THSD7B: variants seen among roughly 807,000 people sequenced by gnomAD.
THSD7B encodes thrombospondin type 1 domain containing 7B.
A neutral mutation model predicts 213.6 loss-of-function variants in THSD7B; 138 were observed. That is an observed-to-expected ratio of 0.65 (90% CI 0.56 to 0.74). The LOEUF is 0.74. THSD7B is among the 30% of genes least tolerant of loss of function. The probability of loss-of-function intolerance (pLI) is 0.00; values close to 1 mark genes in which losing one functional copy is unlikely to be tolerated. For missense variants in THSD7B, 1,931 were observed against 1,991.5 expected, an observed-to-expected ratio of 0.97 and a Z score of 0.58; for synonymous variants, 742 against 687.0, an observed-to-expected ratio of 1.08 and a Z score of -1.25.
At chr2:137,221,789 T>C (rs2105045171) in intron 7 of THSD7B, among the ~76,000 whole-genome samples, 1 of 152,314 alleles carries the variant, frequency 6.6e-6, no homozygotes, top group South Asian at 2.1e-4. Flanking sequence ...TAAATGATTA[T>C]TCTTTAGTGA....
chr2:137,510,133 G>A (rs958425526), intron 15 of THSD7B, among the ~76,000 whole-genome samples: 5 of 152,048 alleles, frequency 3.3e-5, no homozygotes, highest in Non-Finnish European at 7.4e-5. Flanking sequence ...TAATTGGTAT[G>A]ATTGGATTTA....
intron 5 of THSD7B, among the ~76,000 whole-genome samples, chr2:137,130,656 A>G (rs1420570491): frequency 3.3e-5 from 5 of 150,348 alleles, no homozygotes; most frequent in Non-Finnish European, 7.4e-5. Context: ...GAGATAGTTT[A>G]CTGAGAATGA....
intron 12 of THSD7B, among the ~76,000 whole-genome samples, chr2:137,349,987 GT>G (rs552186237): frequency 6.6e-6 from 1 of 151,896 alleles, no homozygotes; most frequent in African/African-American, 2.4e-5. Context: ...GCCAGAGACA[GT>G]GATATTGCTA....
chr2:137,422,934 C>G (rs1686959348), intron 14 of THSD7B, among the ~76,000 whole-genome samples: 1 of 152,024 alleles, frequency 6.6e-6, no homozygotes. Context: ...GATAGGAAAA[C>G]CTTTCTAGAG....
chr2:137,015,139 C>T lies in THSD7B; in HGVS notation c.140-41281C>T, dbSNP rs564443218. On this transcript the variant is annotated intron_variant, in intron 2 of 27. Transcript: ENST00000409968. ...TAAACTATAGACTCCCAGGGGGCAA[C>T]GGCTGTATGTCTTGCTCACTGTTGT... Among the ~76,000 whole-genome samples the T allele has an allele frequency of 2.4e-4, 37 of 152,254 alleles. 1 individual carries two copies. In the South Asian group the frequency reaches 5.8e-3, roughly 24 times the overall value.
At chr2:137,268,703 T>C (rs1163069336) in intron 10 of THSD7B, among the ~76,000 whole-genome samples, 2 of 152,152 alleles carry the variant, frequency 1.3e-5, no homozygotes, top group Non-Finnish European at 2.9e-5. Context: ...CTGTATCTTA[T>C]GCTGACCTCC....
rs575023423 is a variant in THSD7B, at chr2:137,325,920, TA to T, written c.2500+49896del. ...CAAACTTCTCATTCATGTGTTGCCA[TA>T]ACATCTAAAGGAAAAGAGACATATC... On this transcript the variant is annotated intron_variant, in intron 12 of 27. Coordinates refer to ENST00000409968, the MANE Select transcript of THSD7B (RefSeq NM_001316349.2). Among the ~76,000 whole-genome samples the T allele has an allele frequency of 7.2e-5, 11 of 152,318 alleles. No individual in the cohort carries two copies. In the South Asian group the frequency reaches 2.3e-3, roughly 32 times the overall value.
At chr2:137,075,502 A>G (rs915631595) in intron 3 of THSD7B, among the ~76,000 whole-genome samples, 36 of 151,958 alleles carry the variant, frequency 2.4e-4, no homozygotes, top group Admixed American at 1.6e-3. Context: ...TTTTTTTCAA[A>G]GCTTTTAACT....
At chr2:136,956,601 C>CAAAAA (rs10676991) in intron 2 of THSD7B, among the ~76,000 whole-genome samples, 5,392 of 121,374 alleles carry the variant, frequency 0.044, 209 homozygotes, top group East Asian at 0.12. Flanking sequence ...GACCCTGTCT[C>CAAAAA]AAAAAAAAAA....
chr2:137,585,793 T>A (rs529836003), intron 17 of THSD7B, among the ~76,000 whole-genome samples: 1 of 152,288 alleles, frequency 6.6e-6, no homozygotes, highest in African/African-American at 2.4e-5. Flanking sequence ...TGCGGTGTGG[T>A]TCTGAGAAGA....
intron 10 of THSD7B, among the ~76,000 whole-genome samples, chr2:137,264,447 A>G (rs1198534656): frequency 6.6e-6 from 1 of 151,746 alleles, no homozygotes; most frequent in Admixed American, 6.6e-5. Flanking sequence ...GCGGGATTTC[A>G]CTGTGTTAGC....
intron 12 of THSD7B, among the ~76,000 whole-genome samples, chr2:137,398,960 G>A (rs568020441): frequency 7.9e-5 from 12 of 152,240 alleles, no homozygotes; most frequent in South Asian, 4.2e-4. Flanking sequence ...TCTTTGACTC[G>A]GAAAGGGAAC....
At chr2:137,212,644 A>G (rs1681141151) in intron 7 of THSD7B, among the ~76,000 whole-genome samples, 1 of 137,836 alleles carries the variant, frequency 7.3e-6, no homozygotes, top group Non-Finnish European at 1.6e-5. Flanking sequence ...CTCTAAAGCA[A>G]TTTTTTAGTG....
chr2:136,950,505 C>A (rs114755174), intron 2 of THSD7B, among the ~76,000 whole-genome samples: 1 of 152,054 alleles, frequency 6.6e-6, no homozygotes, highest in Admixed American at 6.5e-5. Context: ...AGAAGTAGGC[C>A]GTCAGCTCTC....
intron 7 of THSD7B, among the ~76,000 whole-genome samples, chr2:137,191,316 T>C (rs544345519): frequency 6.6e-6 from 1 of 152,326 alleles, no homozygotes; most frequent in Admixed American, 6.5e-5. Context: ...GTTTCTTTTA[T>C]AATTCATTTA....
In THSD7B at chr2:137,281,508, C is replaced by A. The variant is rs543591557; in HGVS notation, c.2500+5482C>A. Among the ~76,000 whole-genome samples, 756 of 152,034 alleles carry A rather than the reference C, an allele frequency of 5.0e-3. 6 individuals are homozygous for A. Among genetic ancestry groups the A allele is most frequent in the African/African-American group, 0.014 (581 of 41,458 alleles). ...GTGCCATGTTGGTGTGCTGCACCCACTAACTCGTCATCTAGCATTAGGTAT... is the reference window on the plus strand; with the variant it reads ...GTGCCATGTTGGTGTGCTGCACCCAATAACTCGTCATCTAGCATTAGGTAT... On this transcript the variant is annotated intron_variant, in intron 12 of 27. Coordinates refer to ENST00000409968, the MANE Select transcript of THSD7B (RefSeq NM_001316349.2).
intron 7 of THSD7B, among the ~76,000 whole-genome samples, chr2:137,191,463 G>T (rs960411524): frequency 1.3e-5 from 2 of 151,978 alleles, no homozygotes; most frequent in African/African-American, 2.4e-5. Flanking sequence ...CTTTCTGCTT[G>T]AGACAGCTGG....
rs558750061 is a variant in THSD7B at position 137,585,302 on chromosome 2, TATTG to T, written c.3423+12750_3423+12753del. On this transcript the variant is annotated intron_variant, in intron 17 of 27. Transcript: ENST00000409968. ...TTTCAAAAAAACCAGCTCCTGGATT[TATTG>T]ATTTTTTGAAAGGTTTTTTTGTCTC... Among the ~76,000 whole-genome samples, 81 of 152,194 alleles carry T rather than the reference TATTG, an allele frequency of 5.3e-4. No individual in the cohort carries two copies. The South Asian group carries it at 8.1e-3, about 15-fold the overall frequency.
chr2:137,657,245 A>T (rs777343354), intron 24 of THSD7B, 85 bp downstream of exon 24: 3 of 1,304,336 alleles, frequency 2.3e-6, no homozygotes, highest in Non-Finnish European at 3.2e-6. Context: ...TACAAATTAT[A>T]AACAAGGGGT....
Sources: gnomAD v4.1 joint callset for allele counts (sites outside exome capture counted in the v4.1 genomes callset) on GRCh38, gnomAD v4.1.1 for gene constraint, MANE v1.5 for transcripts, NCBI Gene and HGNC (gene_info 2026-07-23, HGNC 2026-07-21) for gene names.